Variants in MBP observed in about 807,000 individuals in gnomAD.
MBP encodes myelin basic protein.
MBP carries 16 observed loss-of-function variants against 35.8 expected under a neutral mutation model. The observed-to-expected ratio is 0.45, with a 90% CI of 0.30 to 0.68. The LOEUF is 0.68. Among genes scored for constraint, MBP ranks in the 30% least tolerant of loss-of-function variants. MBP has a pLI of 0.08. For synonymous variants in MBP, 143 were observed against 159.6 expected, an observed-to-expected ratio of 0.90 and a Z score of 0.78; for missense variants, 380 against 404.7, an observed-to-expected ratio of 0.94 and a Z score of 0.52.
chr18:77,065,508 G>A (rs1285176471), intron 3 of MBP, among the ~76,000 whole-genome samples: 1 of 152,180 alleles, frequency 6.6e-6, no homozygotes, highest in African/African-American at 2.4e-5. Flanking sequence ...ACAAAAATAT[G>A]TAAAGGCAAT....
intron 1 of MBP, among the ~76,000 whole-genome samples, chr18:77,111,093 C>T (rs1003828475): frequency 4.6e-5 from 7 of 152,142 alleles, no homozygotes; most frequent in African/African-American, 1.7e-4. Context: ...GTTCTCAGCG[C>T]CTGTTCAGAA....
In MBP at chr18:77,131,204, C is replaced by T. The variant is rs922991421; in HGVS notation, c.-26+1376G>A. Reference sequence around the variant, plus strand: ...AGGCTCTCAGCCGTGACCACAGCCCCGGCCCCAACCGCTAAGGAGGTGCTC... The same window carrying T: ...AGGCTCTCAGCCGTGACCACAGCCCTGGCCCCAACCGCTAAGGAGGTGCTC... On this transcript the variant is annotated intron_variant, in intron 1 of 8. Transcript: ENST00000355994. The surrounding 1 kb of genome is among the most constrained non-coding windows in gnomAD (Gnocchi z 5.5). Among the ~76,000 whole-genome samples, 5 of 152,056 alleles carry T rather than the reference C, an allele frequency of 3.3e-5. No individual in the cohort carries two copies. The highest frequency in any genetic ancestry group is 9.7e-5 in the African/African-American group (4 of 41,376).
intron 1 of MBP, among the ~76,000 whole-genome samples, chr18:77,122,415 C>T (rs1300995323): frequency 6.6e-6 from 1 of 152,202 alleles, no homozygotes; most frequent in Non-Finnish European, 1.5e-5. Flanking sequence ...CAGCTAGAGT[C>T]CCGAGAAGTC....
chr18:77,021,153 G>A (rs1261393498), intron 3 of MBP, among the ~76,000 whole-genome samples: 1 of 152,254 alleles, frequency 6.6e-6, no homozygotes, highest in East Asian at 1.9e-4. Context: ...GCAGCCTCTC[G>A]GGTGGAAGAT....
At chr18:77,062,742 T>C (rs940061800) in intron 3 of MBP, among the ~76,000 whole-genome samples, 3 of 152,192 alleles carry the variant, frequency 2.0e-5, no homozygotes, top group Non-Finnish European at 2.9e-5. Context: ...GTGTGAACCA[T>C]AGCAATAGCA....
intron 3 of MBP, among the ~76,000 whole-genome samples, chr18:77,054,973 GCA>G (rs1387848320): frequency 6.6e-6 from 1 of 152,198 alleles, no homozygotes; most frequent in Non-Finnish European, 1.5e-5. Flanking sequence ...TTGCATGCAC[GCA>G]CACATTTAAA....
chr18:77,076,038 T>C (rs915568367), intron 2 of MBP, among the ~76,000 whole-genome samples: 14 of 152,278 alleles, frequency 9.2e-5, no homozygotes, highest in African/African-American at 2.9e-4. Context: ...TTCGAATAAA[T>C]CAAAGAGCAC....
intron 2 of MBP, among the ~76,000 whole-genome samples, chr18:77,076,344 C>T (rs1974650240): frequency 6.6e-6 from 1 of 152,242 alleles, no homozygotes; most frequent in African/African-American, 2.4e-5. Context: ...GTTTGAGTGC[C>T]CCACAGGGGA....
chr18:77,070,532 A>G (rs190748774), intron 2 of MBP, among the ~76,000 whole-genome samples: 3 of 152,302 alleles, frequency 2.0e-5, no homozygotes, highest in East Asian at 3.9e-4. Context: ...AAAAAAGTGT[A>G]TTTTTTTGGA....
intron 2 of MBP, among the ~76,000 whole-genome samples, chr18:77,095,857 C>CGCCAT (rs908427413): frequency 3.6e-4 from 55 of 152,334 alleles, no homozygotes; most frequent in African/African-American, 1.3e-3. Context: ...CGTCAGCACC[C>CGCCAT]GCCATGTGCA....
chr18:76,989,104 C>T lies in MBP; in HGVS notation c.682-192G>A, dbSNP rs1387639468. ...GAGATTGAAAATATTCTAGATGATG[C>T]AGATCTCCCAGAGCACTCAGGAAGT... On this transcript the variant is annotated intron_variant, in intron 5 of 8. Transcript: ENST00000355994. The surrounding 1 kb of genome is among the most constrained non-coding windows in gnomAD (Gnocchi z 4.0). The T allele has an allele frequency of 2.8e-6, 2 of 705,498 alleles. No individual in the cohort carries two copies. The highest frequency in any genetic ancestry group is 5.2e-6 in the Non-Finnish European group (2 of 386,524). 43.7% of individuals were successfully genotyped at this position (705,498 alleles called of 1,614,324 possible). A position where few individuals can be genotyped will look rare whatever the true frequency, so the allele number is the denominator to read the frequency against.
intron 3 of MBP, among the ~76,000 whole-genome samples, chr18:77,046,207 C>T (rs922933719): frequency 2.6e-5 from 4 of 152,204 alleles, no homozygotes; most frequent in Non-Finnish European, 4.4e-5. Flanking sequence ...AGAGACTTCA[C>T]GTCCTGAGAG....
chr18:77,083,124 C>A (rs1217473476), intron 2 of MBP, among the ~76,000 whole-genome samples: 1 of 152,054 alleles, frequency 6.6e-6, no homozygotes, highest in East Asian at 1.9e-4. Context: ...CCATGCCCTG[C>A]TAAGATTTTT....
chr18:77,094,586 A>G (rs1056778386), intron 2 of MBP, among the ~76,000 whole-genome samples: 5 of 152,160 alleles, frequency 3.3e-5, no homozygotes, highest in African/African-American at 1.2e-4. Flanking sequence ...GCACGCCAGC[A>G]TTGTCTTTTT....
chr18:77,013,339 C>T (rs147823171), intron 4 of MBP: 23 of 985,426 alleles, frequency 2.3e-5, no homozygotes, highest in Non-Finnish European at 2.3e-5. Context: ...CTGTGTGTTG[C>T]TGCTGCCTTC....
chr18:77,085,540 C>A (rs143048372), intron 2 of MBP, among the ~76,000 whole-genome samples: 1 of 152,136 alleles, frequency 6.6e-6, no homozygotes, highest in Non-Finnish European at 1.5e-5. Context: ...GCTCAGCTAG[C>A]GCGGAGCCAA....
chr18:77,017,595 C>G (rs533610135), intron 3 of MBP: 2 of 238,146 alleles, frequency 8.4e-6, no homozygotes, highest in Non-Finnish European at 1.6e-5. Flanking sequence ...TGGCTGCTCC[C>G]GGAGAGCCCA....
intron 3 of MBP, among the ~76,000 whole-genome samples, chr18:77,018,576 CCATT>C (rs1971799452): frequency 2.0e-5 from 3 of 146,406 alleles, no homozygotes; most frequent in African/African-American, 7.8e-5. Context: ...ACTCATCCAT[CCATT>C]CATCCATCCA....
intron 4 of MBP, among the ~76,000 whole-genome samples, chr18:76,997,822 A>G (rs1172663636): frequency 1.3e-5 from 2 of 151,390 alleles, no homozygotes; most frequent in Admixed American, 6.6e-5. Context: ...AGCTGGGACT[A>G]GAGGCTCCGC....
Sources: allele counts gnomAD v4.1 joint callset (sites outside exome capture counted in the v4.1 genomes callset), GRCh38; gene constraint gnomAD v4.1.1; non-coding constraint Gnocchi (gnomAD v3.1); transcripts MANE v1.5; gene names NCBI Gene and HGNC (gene_info 2026-07-23, HGNC 2026-07-21).